PIK3C2G: variants seen among roughly 807,000 people sequenced by gnomAD.
The protein encoded by PIK3C2G is phosphatidylinositol 3-kinase C2 domain-containing subunit gamma.
Under a neutral mutation model 181.1 loss-of-function variants are expected in PIK3C2G, and 168 were observed. That is an observed-to-expected ratio of 0.93 (90% CI 0.82 to 1.05). The LOEUF is 1.05. PIK3C2G is among the 50% of genes least tolerant of loss of function. The pLI is 0.00. For synonymous variants in PIK3C2G, 573 were observed against 592.2 expected (o/e 0.97, Z 0.47); for missense variants, 1,869 against 1,732.8 (o/e 1.08, Z -1.40).
chr12:18,474,871 T>C (rs1159079173), intron 18 of PIK3C2G, among the ~76,000 whole-genome samples: 1 of 152,126 alleles, frequency 6.6e-6, no homozygotes, highest in Non-Finnish European at 1.5e-5. Context: ...TGTCCTTTTT[T>C]CCGATCAGAA....
At chr12:18,664,945 G>A in the PIK3C2G span, among the ~76,000 whole-genome samples, 1 of 144,484 alleles carries the variant, frequency 6.9e-6, no homozygotes, top group Non-Finnish European at 1.5e-5. Flanking sequence ...CTCATAGGTG[G>A]GAATTGAACA....
chr12:18,383,092 A>G (rs1294542781), intron 14 of PIK3C2G, among the ~76,000 whole-genome samples: 1 of 152,212 alleles, frequency 6.6e-6, no homozygotes, highest in Non-Finnish European at 1.5e-5. Flanking sequence ...GTTTTAAAAG[A>G]ACAAAAAGAT....
At chr12:18,634,115 G>C (rs953212352) in intron 31 of PIK3C2G, among the ~76,000 whole-genome samples, 13 of 152,156 alleles carry the variant, frequency 8.5e-5, no homozygotes, top group African/African-American at 3.1e-4. Flanking sequence ...GTCTTCAAAG[G>C]CCATTTCATC....
intron 24 of PIK3C2G, among the ~76,000 whole-genome samples, chr12:18,527,174 C>A (rs1422616235): frequency 6.6e-6 from 1 of 152,122 alleles, no homozygotes; most frequent in Non-Finnish European, 1.5e-5. Context: ...AATGCTGATT[C>A]CTCAGCTGGT....
upstream of PIK3C2G, among the ~76,000 whole-genome samples, chr12:18,243,077 T>C (rs1222705530): frequency 6.6e-6 from 1 of 152,154 alleles, no homozygotes; most frequent in Non-Finnish European, 1.5e-5. Context: ...CACTGTACTA[T>C]GAAATGTATC....
chr12:18,616,955 C>A (rs12810466), intron 31 of PIK3C2G, among the ~76,000 whole-genome samples: 25,671 of 151,952 alleles, frequency 0.17, 2,289 homozygotes, highest in African/African-American at 0.23. Context: ...TTTTTATTAA[C>A]AGCAAATATT....
At chr12:18,308,076 G>A in intron 5 of PIK3C2G, among the ~76,000 whole-genome samples, 1 of 151,714 alleles carries the variant, frequency 6.6e-6, no homozygotes, top group East Asian at 1.9e-4. Context: ...GTGATTAGTA[G>A]CTGCTTGTAT....
At chr12:18,478,685 G>A (rs1939243272) in intron 18 of PIK3C2G, among the ~76,000 whole-genome samples, 1 of 152,102 alleles carries the variant, frequency 6.6e-6, no homozygotes, top group Admixed American at 6.6e-5. Flanking sequence ...TTCACACAAA[G>A]TTATATTTAA....
chr12:18,316,257 C>A (rs572181247), intron 6 of PIK3C2G, among the ~76,000 whole-genome samples: 1 of 152,088 alleles, frequency 6.6e-6, no homozygotes, highest in South Asian at 2.1e-4. Flanking sequence ...TGTCAGCAAG[C>A]GCAGTTACAT....
chr12:18,592,885 G>A (rs1354895589), intron 29 of PIK3C2G, among the ~76,000 whole-genome samples: 2 of 151,896 alleles, frequency 1.3e-5, no homozygotes, highest in African/African-American at 4.8e-5. Context: ...GCATTAGATG[G>A]TTTGCCAGGG....
At chr12:18,297,478 AAGTC>A (rs1194588439) in intron 5 of PIK3C2G, among the ~76,000 whole-genome samples, 3 of 152,064 alleles carry the variant, frequency 2.0e-5, no homozygotes, top group Non-Finnish European at 2.9e-5. Flanking sequence ...TATAATGATC[AAGTC>A]AGGATATTTA....
intron 31 of PIK3C2G, among the ~76,000 whole-genome samples, chr12:18,633,378 A>G (rs1294234942): frequency 6.6e-6 from 1 of 152,236 alleles, no homozygotes; most frequent in Non-Finnish European, 1.5e-5. Context: ...ATGATACTTA[A>G]AATAGTCATC....
chr12:18,276,068 G>A (rs1948974398), intron 1 of PIK3C2G, among the ~76,000 whole-genome samples: 1 of 152,182 alleles, frequency 6.6e-6, no homozygotes, highest in African/African-American at 2.4e-5. Flanking sequence ...GAAAACAGCA[G>A]CTACATCTTC....
chr12:18,436,104 C>G (rs987656957), intron 18 of PIK3C2G, among the ~76,000 whole-genome samples: 1 of 152,050 alleles, frequency 6.6e-6, no homozygotes, highest in Non-Finnish European at 1.5e-5. Flanking sequence ...GATGTCATAA[C>G]CTAATTTCTT....
the PIK3C2G span, among the ~76,000 whole-genome samples, chr12:18,708,238 T>C: frequency 6.6e-6 from 1 of 152,186 alleles, no homozygotes; most frequent in Non-Finnish European, 1.5e-5. Flanking sequence ...TTGAGAGTTT[T>C]TTTTCTAAAT....
chr12:18,556,460 T>A (rs147489426), intron 26 of PIK3C2G, among the ~76,000 whole-genome samples: 1,742 of 152,222 alleles, frequency 0.011, 32 homozygotes, highest in African/African-American at 0.04. Context: ...ATCCTAACTG[T>A]TGGGCAATGT....
At chr12:18,710,861 G>C in the PIK3C2G span, among the ~76,000 whole-genome samples, 1 of 152,074 alleles carries the variant, frequency 6.6e-6, no homozygotes, top group Non-Finnish European at 1.5e-5. Context: ...TTAGAATGGC[G>C]ATCATTAAAA....
intron 20 of PIK3C2G, among the ~76,000 whole-genome samples, chr12:18,494,553 C>A (rs1310522620): frequency 6.6e-6 from 1 of 151,860 alleles, no homozygotes; most frequent in Admixed American, 6.6e-5. Flanking sequence ...ACATGAAAAC[C>A]AAGATGTGAA....
chr12:18,389,109 T>C (rs1943369753), intron 14 of PIK3C2G, among the ~76,000 whole-genome samples: 1 of 152,006 alleles, frequency 6.6e-6, no homozygotes, highest in African/African-American at 2.4e-5. Context: ...TCCAAGCACT[T>C]TGGGAGGCCG....
Sources: gnomAD v4.1 joint callset for allele counts (sites outside exome capture counted in the v4.1 genomes callset) on GRCh38, gnomAD v4.1.1 for gene constraint, MANE v1.5 for transcripts, NCBI Gene and HGNC (gene_info 2026-07-23, HGNC 2026-07-21) for gene names.